Variants in SLC11A2 observed in about 807,000 individuals in gnomAD.
The protein encoded by SLC11A2 is solute carrier family 11 member 2.
A neutral mutation model predicts 68.0 loss-of-function variants in SLC11A2; 38 were observed. That is an observed-to-expected ratio of 0.56 (90% CI 0.43 to 0.73). The LOEUF is 0.73. Ranked by LOEUF, SLC11A2 falls within the 30% of genes least tolerant of loss-of-function variation. The pLI, the probability that SLC11A2 is intolerant of heterozygous loss-of-function variation, is 0.00. For missense variants in SLC11A2, 517 were observed against 690.5 expected (o/e 0.75, Z 2.82); for synonymous variants, 242 against 250.6 (o/e 0.97, Z 0.32).
At chr12:50,972,196 T>C in the SLC11A2 span, among the ~76,000 whole-genome samples, 1 of 152,150 alleles carries the variant, frequency 6.6e-6, no homozygotes, top group African/African-American at 2.4e-5. Context: ...ACTGGAAATA[T>C]TCTACCTTCT....
At chr12:50,973,019 G>A in the SLC11A2 span, among the ~76,000 whole-genome samples, 15 of 152,206 alleles carry the variant, frequency 9.9e-5, no homozygotes, top group African/African-American at 1.4e-4. Context: ...GGAGCTCACC[G>A]CAGCTCAAGG....
At chr12:50,960,988 G>A in the SLC11A2 span, 1 of 1,598,674 alleles carries the variant, frequency 6.3e-7, no homozygotes. Flanking sequence ...CTTTGTGACT[G>A]TGGTGTCCTG....
At chr12:51,026,454 C>T (rs1454758257), upstream of SLC11A2, 8 of 840,164 alleles carry the variant, frequency 9.5e-6, no homozygotes, top group South Asian at 4.3e-5. Flanking sequence ...GGCTGGAGTC[C>T]CTGCAGCGGC....
chr12:50,992,175 C>G lies in SLC11A2; in HGVS notation c.1347+15G>C. 6.2e-7 allele frequency: 1 copy of G among 1,613,502 alleles called. No individual in the cohort carries two copies. The highest frequency in any genetic ancestry group is 1.7e-5 in the Admixed American group (1 of 60,008). ...CCTGAATAACTAGGATGTGTTTCCT[C>G]AGCTTCCTCCTCACCTGTAAGCTCT... On this transcript the variant is annotated intron_variant, in intron 13 of 15. Coordinates refer to ENST00000262052, the MANE Select transcript of SLC11A2 (RefSeq NM_000617.3).
At chr12:51,000,289 A>T (rs1332518851) in intron 6 of SLC11A2, 24 bp downstream of exon 6, 1 of 1,506,566 alleles carries the variant, frequency 6.6e-7, no homozygotes, top group Non-Finnish European at 9.2e-7. Flanking sequence ...AACACTGATG[A>T]CTTTCTAGAG....
chr12:50,963,510 C>T, the SLC11A2 span, among the ~76,000 whole-genome samples: 1 of 152,080 alleles, frequency 6.6e-6, no homozygotes, highest in Non-Finnish European at 1.5e-5. Context: ...TCCAAGCCTC[C>T]ACATTCACTG....
chr12:50,986,167 T>C lies in SLC11A2; in HGVS notation c.*2158A>G. ...AATGTAGCAGCACAATTATTTCATG[T>C]CACATTTAAGAAGAACAAGAACCAA... On this transcript the variant is annotated 3_prime_UTR_variant, in exon 16 of 16. Coordinates refer to ENST00000262052, the MANE Select transcript of SLC11A2 (RefSeq NM_000617.3). 7.8e-7 allele frequency: 1 copy of C among 1,285,862 alleles called. No individual in the cohort carries two copies. The highest frequency in any genetic ancestry group is 1.0e-6 in the Non-Finnish European group (1 of 987,608). The allele number at this position is 1,285,862 out of a possible 1,614,324, so 79.7% of individuals were successfully genotyped here. A position where few individuals can be genotyped will look rare whatever the true frequency, so the allele number is the denominator to read the frequency against.
intron 1 of SLC11A2, among the ~76,000 whole-genome samples, chr12:51,014,779 G>A (rs1943497692): frequency 6.6e-6 from 1 of 152,120 alleles, no homozygotes; most frequent in African/African-American, 2.4e-5. Flanking sequence ...TTTGAACCCA[G>A]GAGGTAGAGG....
Position 50,987,360 on chromosome 12 carries a change from CA to C in SLC11A2, c.*964del. 3 of 1,287,178 alleles carry C rather than the reference CA, an allele frequency of 2.3e-6. 1 individual carries two copies. Among genetic ancestry groups the C allele is most frequent in the South Asian group, 2.5e-5 (2 of 80,934 alleles). 79.7% of individuals were successfully genotyped at this position (1,287,178 alleles called of 1,614,324 possible). On this transcript the variant is annotated 3_prime_UTR_variant, in exon 16 of 16. Coordinates refer to ENST00000262052, the MANE Select transcript of SLC11A2 (RefSeq NM_000617.3). ...TTGGGCATGAAGCAGAGCGGTGCAT[CA>C]GAAAAACATGACGATTCTGCTGAGA...
At chr12:50,955,531 T>A in the SLC11A2 span, among the ~76,000 whole-genome samples, 1 of 152,226 alleles carries the variant, frequency 6.6e-6, no homozygotes, top group Non-Finnish European at 1.5e-5. Flanking sequence ...TAAATCAGAC[T>A]GACATAAGTT....
At chr12:50,997,134 G>A (rs1487262068) in intron 8 of SLC11A2, among the ~76,000 whole-genome samples, 162 bp from the exon 9 acceptor site, 1 of 152,120 alleles carries the variant, frequency 6.6e-6, no homozygotes, top group Non-Finnish European at 1.5e-5. Flanking sequence ...CTGGAATGCA[G>A]TGGCATGATC....
chr12:50,980,013 C>T (rs764192229), downstream of SLC11A2: 1 of 448,166 alleles, frequency 2.2e-6, no homozygotes, highest in South Asian at 1.6e-5. Flanking sequence ...ATTACTTGAG[C>T]TCATGAGTTC....
chr12:50,971,301 G>A, the SLC11A2 span, among the ~76,000 whole-genome samples: 2 of 152,128 alleles, frequency 1.3e-5, no homozygotes, highest in African/African-American at 4.8e-5. Context: ...TGACATCAGA[G>A]GAGAATGGTC....
At chr12:50,989,691 TAC>T (rs1404329590) in intron 15 of SLC11A2, among the ~76,000 whole-genome samples, 1 of 152,186 alleles carries the variant, frequency 6.6e-6, no homozygotes, top group Non-Finnish European at 1.5e-5. Context: ...ATAGGGTCAG[TAC>T]AGTCTTTGTG....
At chr12:50,985,131 A>G (rs1031035701), downstream of SLC11A2, among the ~76,000 whole-genome samples, 6 of 152,214 alleles carry the variant, frequency 3.9e-5, no homozygotes, top group Non-Finnish European at 5.9e-5. Context: ...GTACTGAGTT[A>G]GCCATTTTTA....
Position 50,992,239 on chromosome 12 carries a change from T to C in SLC11A2, c.1298A>G (p.Glu433Gly). The C allele has an allele frequency of 6.2e-7, 1 of 1,613,938 alleles. No individual in the cohort carries two copies. The highest frequency in any genetic ancestry group is 1.1e-5 in the South Asian group (1 of 91,084). Residue 433 changes from glutamate to glycine, a missense_variant, in exon 13 of 16, where the codon GAG becomes GGG. Coordinates refer to ENST00000262052, the MANE Select transcript of SLC11A2 (RefSeq NM_000617.3). ...TLLVAVFQDV[E>G]HLTGMNDFLN... ...AAAGTCATTCATCCCTGTTAGATGCTCTACATCTTGGAAGACAGCAACAAG... is the reference window on the plus strand; with the variant it reads ...AAAGTCATTCATCCCTGTTAGATGCCCTACATCTTGGAAGACAGCAACAAG...
At chr12:50,976,498 C>T (rs1315706711), downstream of SLC11A2, among the ~76,000 whole-genome samples, 2 of 152,028 alleles carry the variant, frequency 1.3e-5, no homozygotes, top group African/African-American at 4.8e-5. Context: ...TATCTCAAAA[C>T]AATAAGAGCT....
Position 50,988,068 on chromosome 12 carries a change from A to C in SLC11A2, c.*257T>G. 4.9e-6 allele frequency: 7 copies of C among 1,421,938 alleles called. No homozygotes were observed. The highest frequency in any genetic ancestry group is 4.6e-6 in the Non-Finnish European group (5 of 1,075,822). 88.1% of individuals were successfully genotyped at this position (1,421,938 alleles called of 1,614,324 possible). On this transcript the variant is annotated 3_prime_UTR_variant, in exon 16 of 16. Coordinates refer to ENST00000262052, the MANE Select transcript of SLC11A2 (RefSeq NM_000617.3). The stretch of plus-strand genomic sequence containing the variant: ...TGAGCTGGCCCTTGGGCAACTACTT[A>C]AGAATTTAGTGTTGGAATGATAGCA...
At chr12:50,953,096 C>G in the SLC11A2 span, among the ~76,000 whole-genome samples, 1 of 151,966 alleles carries the variant, frequency 6.6e-6, no homozygotes, top group Non-Finnish European at 1.5e-5. Context: ...TACCAGCCGA[C>G]CACTCCCCCA....
Sources: gnomAD v4.1 joint callset for allele counts (sites outside exome capture counted in the v4.1 genomes callset) on GRCh38, gnomAD v4.1.1 for gene constraint, MANE v1.5 for transcripts, NCBI Gene and HGNC (gene_info 2026-07-23, HGNC 2026-07-21) for gene names.